The following PDE1A variants were observed in gnomAD, a reference collection of about 807,000 sequenced individuals.
The protein encoded by PDE1A is phosphodiesterase 1A, also known as dual specificity calcium/calmodulin-dependent 3',5'-cyclic nucleotide phosphodiesterase 1A.
In PDE1A, 35 loss-of-function variants were observed where a neutral mutation model predicts 61.7. The observed-to-expected ratio is 0.57, with a 90% CI of 0.43 to 0.75. The LOEUF (loss-of-function observed/expected upper bound fraction) is 0.75. Among genes scored for constraint, PDE1A ranks in the 30% least tolerant of loss-of-function variants. The probability of loss-of-function intolerance (pLI) is 0.00; values close to 1 mark genes in which losing one functional copy is unlikely to be tolerated. For synonymous variants in PDE1A, 232 were observed against 213.2 expected (o/e 1.09, Z -0.77); for missense variants, 597 against 630.6 (o/e 0.95, Z 0.57).
the PDE1A span, among the ~76,000 whole-genome samples, chr2:182,634,459 G>T: frequency 6.6e-6 from 1 of 152,082 alleles, no homozygotes; most frequent in African/African-American, 2.4e-5. Flanking sequence ...CAGGAACAAG[G>T]CAGACTAAAG....
chr2:182,400,386 A>G (rs6724256), intron 1 of PDE1A, among the ~76,000 whole-genome samples: 8,402 of 152,254 alleles, frequency 0.055, 744 homozygotes, highest in African/African-American at 0.19. Context: ...TGCTCCATTT[A>G]CATTACAATA....
chr2:182,682,832 AAAT>A, the PDE1A span, among the ~76,000 whole-genome samples: 1 of 152,178 alleles, frequency 6.6e-6, no homozygotes, highest in African/African-American at 2.4e-5. Flanking sequence ...CAAATGTGTA[AAAT>A]AATAGCAAAA....
At chr2:182,522,215 A>G in intron 2 of PDE1A, 1 of 1,410,496 alleles carries the variant, frequency 7.1e-7, no homozygotes, top group Non-Finnish European at 1.0e-6. Flanking sequence ...TAGCACCAAC[A>G]ATTAGTCACG....
chr2:182,637,739 G>T, the PDE1A span, among the ~76,000 whole-genome samples: 9 of 152,032 alleles, frequency 5.9e-5, no homozygotes, highest in Admixed American at 4.6e-4. Flanking sequence ...CTCCCAACGT[G>T]ATGAAACCCC....
chr2:182,433,257 A>C (rs1704045593), intron 2 of PDE1A, among the ~76,000 whole-genome samples: 1 of 152,006 alleles, frequency 6.6e-6, no homozygotes, highest in Non-Finnish European at 1.5e-5. Flanking sequence ...ATCACAGCAA[A>C]ATTCACTCTG....
At chr2:182,600,406 G>A in the PDE1A span, among the ~76,000 whole-genome samples, 3 of 152,028 alleles carry the variant, frequency 2.0e-5, no homozygotes, top group African/African-American at 7.2e-5. Flanking sequence ...ACTGTTTTGT[G>A]GAAATTCACA....
chr2:182,151,702 T>C (rs902243321), intron 13 of PDE1A, among the ~76,000 whole-genome samples: 2 of 152,250 alleles, frequency 1.3e-5, no homozygotes, highest in Admixed American at 6.5e-5. Flanking sequence ...GTAATTTTCC[T>C]ACCACAGAAA....
chr2:182,238,276 A>AAAG (rs1553548521), intron 3 of PDE1A, among the ~76,000 whole-genome samples: 1 of 151,324 alleles, frequency 6.6e-6, no homozygotes, highest in Non-Finnish European at 1.5e-5. Flanking sequence ...CAAAAAAAAA[A>AAAG]AAAAAAGAAA....
chr2:182,526,333 A>G (rs1237490805), upstream of PDE1A, among the ~76,000 whole-genome samples: 1 of 152,202 alleles, frequency 6.6e-6, no homozygotes, highest in African/African-American at 2.4e-5. Context: ...CAAAAAAATT[A>G]GAATTGTAAG....
At chr2:182,529,150 G>A in the PDE1A span, among the ~76,000 whole-genome samples, 1 of 152,202 alleles carries the variant, frequency 6.6e-6, no homozygotes, top group Non-Finnish European at 1.5e-5. Context: ...AGGTACCACA[G>A]ACTCTCAATG....
At chr2:182,201,322 T>C in intron 10 of PDE1A, 117 bp downstream of exon 10, 1 of 1,269,996 alleles carries the variant, frequency 7.9e-7, no homozygotes, top group Non-Finnish European at 1.1e-6. Flanking sequence ...CAAGAATGTG[T>C]AGGTGGCCAG....
rs1048141164 is a variant in PDE1A, at chr2:182,255,013, G to A, written c.167+9288C>T. ...AATGAAACATAAGGATATGCTTATCGGATCCTATGGGAAAGAAAACTTTTC... is the reference window on the plus strand; with the variant it reads ...AATGAAACATAAGGATATGCTTATCAGATCCTATGGGAAAGAAAACTTTTC... On this transcript the variant is annotated intron_variant, in intron 2 of 13. Coordinates refer to ENST00000351439, the Ensembl canonical transcript of PDE1A. Among the ~76,000 whole-genome samples, 9 of 152,068 alleles carry A rather than the reference G, an allele frequency of 5.9e-5. No homozygotes were observed. The East Asian group carries it at 1.7e-3, about 29-fold the overall frequency.
At chr2:182,692,212 G>GAC in the PDE1A span, among the ~76,000 whole-genome samples, 4 of 151,924 alleles carry the variant, frequency 2.6e-5, no homozygotes, top group African/African-American at 4.8e-5. Context: ...CTGCTATAAA[G>GAC]ACACACACAC....
intron 2 of PDE1A, among the ~76,000 whole-genome samples, chr2:182,439,028 G>A (rs756177839): frequency 2.6e-5 from 4 of 151,934 alleles, no homozygotes; most frequent in African/African-American, 7.2e-5. Context: ...GATATTAACT[G>A]GGATAGTACA....
intron 1 of PDE1A, among the ~76,000 whole-genome samples, chr2:182,338,612 C>T (rs977312291): frequency 6.7e-6 from 1 of 150,034 alleles, no homozygotes; most frequent in Non-Finnish European, 1.5e-5. Flanking sequence ...GCAACCTCTG[C>T]CTCCCAGGTT....
the PDE1A span, among the ~76,000 whole-genome samples, chr2:182,573,987 A>ACC: frequency 6.7e-6 from 1 of 148,500 alleles, no homozygotes; most frequent in Admixed American, 6.8e-5. Flanking sequence ...ACACACACAC[A>ACC]CACAAACATA....
At chr2:182,335,343 A>G (rs541241490) in intron 1 of PDE1A, among the ~76,000 whole-genome samples, 2 of 152,238 alleles carry the variant, frequency 1.3e-5, no homozygotes, top group Admixed American at 6.5e-5. Flanking sequence ...AGCTGGAGGC[A>G]TCACGCTACC....
chr2:182,333,429 C>T (rs940644735), intron 1 of PDE1A, among the ~76,000 whole-genome samples: 2 of 152,122 alleles, frequency 1.3e-5, no homozygotes, highest in Admixed American at 6.5e-5. Context: ...AAAAAATTCA[C>T]CCAAAACCGC....
chr2:182,648,297 C>T, the PDE1A span, among the ~76,000 whole-genome samples: 4 of 151,860 alleles, frequency 2.6e-5, no homozygotes, highest in East Asian at 7.8e-4. Flanking sequence ...TTGTTGGAGT[C>T]AGAATAGGAG....
Sources: allele counts gnomAD v4.1 joint callset (sites outside exome capture counted in the v4.1 genomes callset), GRCh38; gene constraint gnomAD v4.1.1; transcripts MANE v1.5; gene names NCBI Gene and HGNC (gene_info 2026-07-23, HGNC 2026-07-21).